PPARGC1B: variants seen among roughly 807,000 people sequenced by gnomAD.
The protein encoded by PPARGC1B is peroxisome proliferator-activated receptor gamma coactivator 1-beta.
PPARGC1B carries 34 observed loss-of-function variants against 101.6 expected under a neutral mutation model. The observed-to-expected ratio is 0.33, with a 90% CI of 0.25 to 0.45. The LOEUF (loss-of-function observed/expected upper bound fraction) is 0.45. PPARGC1B is among the 20% of genes least tolerant of loss of function. PPARGC1B has a pLI of 1.00. For synonymous variants in PPARGC1B, 548 were observed against 539.3 expected, an observed-to-expected ratio of 1.02 and a Z score of -0.22; for missense variants, 1,234 against 1,317.6, an observed-to-expected ratio of 0.94 and a Z score of 0.98.
intron 1 of PPARGC1B, among the ~76,000 whole-genome samples, chr5:149,736,584 T>C (rs371169821): frequency 1.2e-4 from 19 of 152,190 alleles, no homozygotes; most frequent in African/African-American, 4.3e-4. Flanking sequence ...TCTAGGTTTT[T>C]GTCTGTTTGT....
chr5:149,840,820 CAG>C (rs1219894209), intron 9 of PPARGC1B, among the ~76,000 whole-genome samples: 1 of 152,188 alleles, frequency 6.6e-6, no homozygotes, highest in East Asian at 1.9e-4. Context: ...AAAAGACAAA[CAG>C]ACTCCTGCTG....
rs749835510 is a variant in PPARGC1B, at chr5:149,820,546, C to T, written c.192C>T (p.Cys64=). Residue 64 remains cysteine, a synonymous_variant, in exon 2 of 12, where the codon TGC becomes TGT. Transcript: ENST00000309241. The part of the protein sequence containing the change: ...SATCFGELQW[C]PENSETEPNQ... The stretch of plus-strand genomic sequence containing the variant: ...CCTGCTTTGGGGAGCTGCAGTGGTG[C>T]CCAGAGAACTCAGAGACTGAACCCA... The T allele has an allele frequency of 6.2e-7, 1 of 1,613,924 alleles. No homozygotes were observed.
intron 5 of PPARGC1B, among the ~76,000 whole-genome samples, chr5:149,834,129 C>G (rs1758945061): frequency 6.6e-6 from 1 of 152,234 alleles, no homozygotes; most frequent in African/African-American, 2.4e-5. Context: ...AAGCGTAAGG[C>G]TATAAGTTCA....
intron 1 of PPARGC1B, among the ~76,000 whole-genome samples, chr5:149,796,646 A>G (rs193122631): frequency 3.9e-5 from 6 of 152,304 alleles, no homozygotes; most frequent in Admixed American, 3.9e-4. Flanking sequence ...GTATGGTGGC[A>G]GCAGAGAGAG....
intron 1 of PPARGC1B, among the ~76,000 whole-genome samples, chr5:149,811,878 T>A (rs968564794): frequency 5.9e-5 from 9 of 152,204 alleles, no homozygotes; most frequent in Non-Finnish European, 1.0e-4. Flanking sequence ...GCTGCCTTGG[T>A]CCCTGGAAAC....
intron 1 of PPARGC1B, among the ~76,000 whole-genome samples, chr5:149,792,800 C>G (rs1323173784): frequency 6.6e-6 from 1 of 152,152 alleles, no homozygotes; most frequent in Non-Finnish European, 1.5e-5. Context: ...GTGCTTAAGA[C>G]CCCTTTGCAG....
chr5:149,734,918 T>C (rs556283782), intron 1 of PPARGC1B, among the ~76,000 whole-genome samples: 1 of 152,300 alleles, frequency 6.6e-6, no homozygotes, highest in East Asian at 1.9e-4. Context: ...CATTTTGCAA[T>C]TGGTATCTTG....
intron 4 of PPARGC1B, among the ~76,000 whole-genome samples, chr5:149,831,793 A>T (rs1758794139): frequency 6.6e-6 from 1 of 152,186 alleles, no homozygotes; most frequent in Non-Finnish European, 1.5e-5. Context: ...GGCGAATAAG[A>T]CTGGAGAGGT....
At chr5:149,815,905 G>C (rs372147254) in intron 1 of PPARGC1B, among the ~76,000 whole-genome samples, 19 of 152,182 alleles carry the variant, frequency 1.2e-4, no homozygotes, top group African/African-American at 4.3e-4. Context: ...ACCCTGCTGG[G>C]TTGATTTAAG....
intron 1 of PPARGC1B, chr5:149,740,272 G>A (rs548528969): frequency 6.6e-6 from 1 of 152,360 alleles, no homozygotes; most frequent in African/African-American, 2.4e-5. Context: ...AAATGGGGAC[G>A]ATAGTAGCAT....
chr5:149,730,520 G>T lies in PPARGC1B; in HGVS notation c.78+100G>T. On this transcript the variant is annotated intron_variant, in intron 1 of 11. Coordinates refer to ENST00000309241, the MANE Select transcript of PPARGC1B (RefSeq NM_133263.4). This position sits in a 1 kb window ranked among gnomAD's most constrained non-coding sequence, Gnocchi z 4.0. ...CCGGGAGGCAGCGGTGGGAGCCCTG[G>T]GGTAACTGGGGGTTCCAGGCTGCAG... The T allele has an allele frequency of 2.2e-6, 2 of 897,058 alleles. No homozygotes were observed. Among genetic ancestry groups the T allele is most frequent in the South Asian group, 1.9e-5 (1 of 52,444 alleles). The allele number at this position is 897,058 out of a possible 1,614,324, so 55.6% of individuals were successfully genotyped here.
In PPARGC1B at chr5:149,833,591, G is replaced by A; in HGVS notation, c.1518G>A (p.Leu506=). ...TCCCCTCGGAGCCCCAAGGTGCTCT[G>A]CCCTCACTGTGCCTGGCTCCCAAGG... is the stretch of plus-strand genomic sequence containing the variant. ...PLVPSEPQGA[L]PSLCLAPKAY... The change falls in exon 5 of 12, where the codon CTG becomes CTA. Residue 506 remains leucine, a synonymous_variant. Coordinates refer to ENST00000309241, the MANE Select transcript of PPARGC1B (RefSeq NM_133263.4). This position sits in a 1 kb window ranked among gnomAD's most constrained non-coding sequence, Gnocchi z 4.1. 1 of 1,604,772 alleles carries A rather than the reference G, an allele frequency of 6.2e-7. No homozygotes were observed.
chr5:149,835,970 T>C (rs1293657269), intron 7 of PPARGC1B, among the ~76,000 whole-genome samples: 7 of 151,106 alleles, frequency 4.6e-5, no homozygotes, highest in Non-Finnish European at 1.5e-5. Flanking sequence ...TTTTTTTTTT[T>C]TTTTTGAGAC....
chr5:149,747,702 T>G (rs1260218697), intron 1 of PPARGC1B, among the ~76,000 whole-genome samples: 1 of 152,218 alleles, frequency 6.6e-6, no homozygotes, highest in Non-Finnish European at 1.5e-5. Context: ...TTTGTCCCAG[T>G]GGCTGAAGGA....
intron 1 of PPARGC1B, among the ~76,000 whole-genome samples, chr5:149,780,676 T>TG (rs548819796): frequency 4.5e-4 from 68 of 152,334 alleles, no homozygotes; most frequent in African/African-American, 1.5e-3. Context: ...AATAGAAAGC[T>TG]GGGGCCTAGA....
At chr5:149,765,211 G>A (rs1755864806) in intron 1 of PPARGC1B, among the ~76,000 whole-genome samples, 1 of 152,236 alleles carries the variant, frequency 6.6e-6, no homozygotes, top group Non-Finnish European at 1.5e-5. Context: ...GCAGGGGAGG[G>A]AATATGCCTG....
In PPARGC1B at chr5:149,837,214, G is replaced by A. The variant is rs1759137540; in HGVS notation, c.2618+141G>A. The A allele has an allele frequency of 2.2e-6, 3 of 1,353,980 alleles. No homozygotes were observed. Among genetic ancestry groups the A allele is most frequent in the African/African-American group, 1.5e-5 (1 of 68,628 alleles). The allele number at this position is 1,353,980 out of a possible 1,614,324, so 83.9% of individuals were successfully genotyped here. A position where few individuals can be genotyped will look rare whatever the true frequency, so the allele number is the denominator to read the frequency against. On this transcript the variant is annotated intron_variant, in intron 8 of 11. Transcript: ENST00000309241. The surrounding 1 kb of genome is among the most constrained non-coding windows in gnomAD (Gnocchi z 4.2). ...ATCTCCCAGTGTGGCCCATGTCTTG[G>A]TCAGGAGCCTTGAAGGTGGTCTTCT...
chr5:149,750,453 A>AATATATATATATATATATATATATAT lies in PPARGC1B; in HGVS notation c.78+20044_78+20069dup, dbSNP rs55971526. ...TAGCTGTCTTCTCTGTTTTAGTTAA[A>AATATATATATATATATATATATATAT]ATATATATATATATATATATATATA... On this transcript the variant is annotated intron_variant, in intron 1 of 11. Coordinates refer to ENST00000309241, the MANE Select transcript of PPARGC1B (RefSeq NM_133263.4). Among the ~76,000 whole-genome samples, 173 of 123,128 alleles carry AATATATATATATATATATATATATAT rather than the reference A, an allele frequency of 1.4e-3. 1 individual carries two copies. Among genetic ancestry groups the AATATATATATATATATATATATATAT allele is most frequent in the Non-Finnish European group, 1.8e-3 (105 of 59,198 alleles). 80.8% of individuals were successfully genotyped at this position (123,128 alleles called of 152,430 possible). A position where few individuals can be genotyped will look rare whatever the true frequency, so the allele number is the denominator to read the frequency against.
intron 1 of PPARGC1B, among the ~76,000 whole-genome samples, chr5:149,813,998 G>A (rs752485776): frequency 6.6e-6 from 1 of 152,140 alleles, no homozygotes; most frequent in Non-Finnish European, 1.5e-5. Context: ...CTCACCATGG[G>A]GGTAAGGATT....
Sources: allele counts gnomAD v4.1 joint callset (sites outside exome capture counted in the v4.1 genomes callset), GRCh38; gene constraint gnomAD v4.1.1; non-coding constraint Gnocchi (gnomAD v3.1); transcripts MANE v1.5; gene names NCBI Gene and HGNC (gene_info 2026-07-23, HGNC 2026-07-21).